Variants in DYNC1I1 observed in about 807,000 individuals in gnomAD.
The protein encoded by DYNC1I1 is cytoplasmic dynein 1 intermediate chain 1.
DYNC1I1 carries 43 observed loss-of-function variants against 86.6 expected under a neutral mutation model. The ratio of observed to expected loss-of-function variants is 0.50; its 90% confidence interval spans 0.39 to 0.64. DYNC1I1 has a LOEUF of 0.64. DYNC1I1 is among the 30% of genes least tolerant of loss of function. DYNC1I1 has a pLI of 0.00. For missense variants in DYNC1I1, 604 were observed against 788.8 expected, an observed-to-expected ratio of 0.77 and a Z score of 2.81; for synonymous variants, 262 against 283.7, an observed-to-expected ratio of 0.92 and a Z score of 0.77.
chr7:96,034,818 T>G (rs1417049105), intron 12 of DYNC1I1, among the ~76,000 whole-genome samples: 7 of 152,168 alleles, frequency 4.6e-5, no homozygotes, highest in Non-Finnish European at 8.8e-5. Context: ...GACTAAACTC[T>G]CAAGCAACTA....
At chr7:95,895,502 A>G (rs1790858683) in intron 6 of DYNC1I1, among the ~76,000 whole-genome samples, 1 of 152,060 alleles carries the variant, frequency 6.6e-6, no homozygotes, top group Admixed American at 6.6e-5. Context: ...TCCTCATCTC[A>G]AGTCTCCTGT....
chr7:95,915,961 A>G (rs147440576), intron 6 of DYNC1I1, among the ~76,000 whole-genome samples: 2 of 152,084 alleles, frequency 1.3e-5, no homozygotes, highest in Admixed American at 6.6e-5. Flanking sequence ...GATCTCCCCA[A>G]CCTGAAAAGA....
chr7:96,063,362 G>GA (rs965319856), intron 14 of DYNC1I1, among the ~76,000 whole-genome samples: 8 of 150,266 alleles, frequency 5.3e-5, no homozygotes, highest in South Asian at 2.1e-4. Context: ...AGGCCAAGAG[G>GA]AAAAAAAAAG....
At chr7:96,105,082 G>A (rs559692287) in intron 16 of DYNC1I1, among the ~76,000 whole-genome samples, 26 of 151,380 alleles carry the variant, frequency 1.7e-4, no homozygotes, top group Non-Finnish European at 3.2e-4. Context: ...AATTTTTTAT[G>A]CTATTGTAAA....
At chr7:95,963,605 C>G (rs1792930229) in intron 6 of DYNC1I1, among the ~76,000 whole-genome samples, 1 of 152,082 alleles carries the variant, frequency 6.6e-6, no homozygotes, top group Non-Finnish European at 1.5e-5. Flanking sequence ...ATTTTGTTGC[C>G]ACAGTTTCAT....
intron 5 of DYNC1I1, among the ~76,000 whole-genome samples, chr7:95,847,785 C>G (rs1789474234): frequency 6.6e-6 from 1 of 152,110 alleles, no homozygotes; most frequent in Admixed American, 6.5e-5. Context: ...GGAGATCTCG[C>G]TAGGATATTG....
intron 11 of DYNC1I1, among the ~76,000 whole-genome samples, chr7:96,030,133 AAG>A (rs907628500): frequency 1.3e-5 from 2 of 152,046 alleles, no homozygotes; most frequent in Non-Finnish European, 2.9e-5. Context: ...AAAAAGGAAA[AAG>A]AGGCCCACCA....
chr7:96,072,010 C>A (rs757378368), intron 14 of DYNC1I1, among the ~76,000 whole-genome samples: 2 of 152,300 alleles, frequency 1.3e-5, no homozygotes, highest in Non-Finnish European at 1.5e-5. Context: ...ACTTAACAAC[C>A]TTTGTGGCCT....
chr7:96,031,589 T>C (rs991989235), intron 11 of DYNC1I1, among the ~76,000 whole-genome samples: 1 of 152,170 alleles, frequency 6.6e-6, no homozygotes, highest in African/African-American at 2.4e-5. Flanking sequence ...CTACATTAGA[T>C]GATTATTACC....
At chr7:95,977,430 T>A (rs1793333646) in intron 6 of DYNC1I1, 82 bp from the exon 7 acceptor site, 1 of 1,330,610 alleles carries the variant, frequency 7.5e-7, no homozygotes, top group Non-Finnish European at 1.0e-6. Context: ...AACTTTACCC[T>A]TTACCCCTAC....
At position 95,894,268 on chromosome 7, in the gene DYNC1I1, A is replaced by G. The variant is rs10273197; in HGVS notation, c.490+24270A>G. On this transcript the variant is annotated intron_variant, in intron 6 of 16. Coordinates refer to ENST00000447467, the MANE Select transcript of DYNC1I1 (RefSeq NM_001135556.2). Reference sequence around the variant, plus strand: ...CTGGAAAGTCCAAGATCAAGATTCCAGGAGACTTGGCACCTGGTGAAGCCT... The same window carrying G: ...CTGGAAAGTCCAAGATCAAGATTCCGGGAGACTTGGCACCTGGTGAAGCCT... Among the ~76,000 whole-genome samples, 1,480 of 152,174 alleles carry G rather than the reference A, an allele frequency of 9.7e-3. 29 individuals are homozygous for G. The highest frequency in any genetic ancestry group is 0.034 in the African/African-American group (1,409 of 41,512).
At position 95,997,583 on chromosome 7, in the gene DYNC1I1, T is replaced by TTGTGTGTGTGTGTGTGTG. The variant is rs34117329; in HGVS notation, c.969+1534_969+1551dup. The stretch of plus-strand genomic sequence containing the variant: ...CTAGTATTAATTGAAAAGGGCATTC[T>TTGTGTGTGTGTGTGTGTG]TGTGTGTGTGTGTGTGTGTGTGTGT... On this transcript the variant is annotated intron_variant, in intron 10 of 16. Coordinates refer to ENST00000447467, the MANE Select transcript of DYNC1I1 (RefSeq NM_001135556.2). Among the ~76,000 whole-genome samples, 3 of 142,852 alleles carry TTGTGTGTGTGTGTGTGTG rather than the reference T, an allele frequency of 2.1e-5. No individual in the cohort carries two copies. In the East Asian group the frequency reaches 6.6e-4, roughly 32 times the overall value. The allele number at this position is 142,852 out of a possible 152,430, so 93.7% of individuals were successfully genotyped here. A position where few individuals can be genotyped will look rare whatever the true frequency, so the allele number is the denominator to read the frequency against.
intron 10 of DYNC1I1, among the ~76,000 whole-genome samples, chr7:96,001,735 T>G (rs895510326): frequency 4.6e-5 from 7 of 152,176 alleles, no homozygotes; most frequent in Non-Finnish European, 8.8e-5. Flanking sequence ...ATAAGGACAC[T>G]AATCCTATCC....
At chr7:95,779,498 A>G (rs769462689) in intron 1 of DYNC1I1, among the ~76,000 whole-genome samples, 4 of 152,238 alleles carry the variant, frequency 2.6e-5, no homozygotes, top group Non-Finnish European at 5.9e-5. Context: ...TCAAACAGCA[A>G]TTATGTCACT....
chr7:96,012,970 G>A lies in DYNC1I1; in HGVS notation c.970-15205G>A, dbSNP rs117925681. 1.1e-3 allele frequency among the ~76,000 whole-genome samples: 167 copies of A among 152,146 alleles called. No individual in the cohort carries two copies. In the East Asian group the frequency reaches 0.022, roughly 20 times the overall value. ...GAGTAAGTTCCTTAGTGGTGACTTG[G>A]GGAAGGGTGGATGGGGGTGAGGGAT... On this transcript the variant is annotated intron_variant, in intron 10 of 16. Coordinates refer to ENST00000447467, the MANE Select transcript of DYNC1I1 (RefSeq NM_001135556.2).
At position 95,918,506 on chromosome 7, in the gene DYNC1I1, A is replaced by C. The variant is rs78409626; in HGVS notation, c.490+48508A>C. ...TTCATGAGGGAAATTGTGGAAGCAT[A>C]GATGTAAAAAGGAGAGAAGTATGTG... On this transcript the variant is annotated intron_variant, in intron 6 of 16. Coordinates refer to ENST00000447467, the MANE Select transcript of DYNC1I1 (RefSeq NM_001135556.2). 9.5e-3 allele frequency among the ~76,000 whole-genome samples: 1,446 copies of C among 152,298 alleles called. 64 individuals are homozygous for C. The East Asian group carries it at 0.12, about 12-fold the overall frequency.
At position 95,804,729 on chromosome 7, in the gene DYNC1I1, C is replaced by T. The variant is rs576252607; in HGVS notation, c.-1C>T. On this transcript the variant is annotated 5_prime_UTR_variant, in exon 2 of 17. Transcript: ENST00000447467. ...TTTTCTCTTTCTCCAAGGAAACCAACATGTCTGACAAAAGTGACTTAAAAG... is the reference window on the plus strand; with the variant it reads ...TTTTCTCTTTCTCCAAGGAAACCAATATGTCTGACAAAAGTGACTTAAAAG... The T allele has an allele frequency of 4.4e-6, 7 of 1,590,848 alleles. No homozygotes were observed. In the South Asian group the frequency reaches 8.1e-5, roughly 18 times the overall value.
At chr7:95,878,266 G>T (rs566300428) in intron 6 of DYNC1I1, among the ~76,000 whole-genome samples, 1 of 152,160 alleles carries the variant, frequency 6.6e-6, no homozygotes, top group South Asian at 2.1e-4. Context: ...CTTCAGAGTT[G>T]TGTATGTGTG....
intron 11 of DYNC1I1, among the ~76,000 whole-genome samples, chr7:96,029,319 T>G (rs903035269): frequency 2.0e-5 from 3 of 152,092 alleles, no homozygotes; most frequent in Non-Finnish European, 4.4e-5. Flanking sequence ...CTGCCCCATT[T>G]CCCCAAACTA....
Sources: gnomAD v4.1 joint callset for allele counts (sites outside exome capture counted in the v4.1 genomes callset) on GRCh38, gnomAD v4.1.1 for gene constraint, MANE v1.5 for transcripts, NCBI Gene and HGNC (gene_info 2026-07-23, HGNC 2026-07-21) for gene names.